Variants in FAM168B observed in about 807,000 individuals in gnomAD.
FAM168B encodes the protein family with sequence similarity 168 member B, also known as myelin-associated neurite-outgrowth inhibitor.
In FAM168B, 19 loss-of-function variants were observed where a neutral mutation model predicts 21.8. The observed-to-expected ratio is 0.87, with a 90% CI of 0.61 to 1.28. The LOEUF is 1.28. FAM168B is among the 50% of genes most tolerant of loss of function. FAM168B has a pLI of 0.00. For synonymous variants in FAM168B, 126 were observed against 104.8 expected, an observed-to-expected ratio of 1.20 and a Z score of -1.24; for missense variants, 233 against 263.1, an observed-to-expected ratio of 0.89 and a Z score of 0.79.
intron 3 of FAM168B, among the ~76,000 whole-genome samples, chr2:131,061,460 G>T (rs1296917571): frequency 6.6e-6 from 1 of 151,682 alleles, no homozygotes; most frequent in East Asian, 2.0e-4. Flanking sequence ...AGGGCCCACG[G>T]ATCACCACAC....
chr2:131,058,886 T>C (rs1371625377), intron 3 of FAM168B, among the ~76,000 whole-genome samples: 1 of 152,196 alleles, frequency 6.6e-6, no homozygotes, highest in African/African-American at 2.4e-5. Flanking sequence ...AACGAGGTTG[T>C]ATAACATTTT....
At chr2:131,092,594 TCAAA>T (rs1559013032) in intron 1 of FAM168B, among the ~76,000 whole-genome samples, 1 of 152,150 alleles carries the variant, frequency 6.6e-6, no homozygotes, top group Non-Finnish European at 1.5e-5. Context: ...AAACATTAAC[TCAAA>T]CAGCCCATGA....
At chr2:131,068,967 G>C (rs1203384505) in intron 3 of FAM168B, among the ~76,000 whole-genome samples, 1 of 152,230 alleles carries the variant, frequency 6.6e-6, no homozygotes, top group Non-Finnish European at 1.5e-5. Context: ...AGTGAGGCGT[G>C]ATTGCACCAC....
chr2:131,058,596 C>T (rs749073309), intron 3 of FAM168B, among the ~76,000 whole-genome samples: 2 of 152,162 alleles, frequency 1.3e-5, no homozygotes, highest in African/African-American at 2.4e-5. Flanking sequence ...CTATGTTAAC[C>T]GTAAATAGAA....
chr2:131,062,848 T>C (rs577016350), intron 3 of FAM168B, among the ~76,000 whole-genome samples: 1 of 152,376 alleles, frequency 6.6e-6, no homozygotes, highest in East Asian at 1.9e-4. Context: ...CAGCATGCAA[T>C]GCATGGGATG....
At chr2:131,082,485 G>T in intron 2 of FAM168B, 92 bp downstream of exon 2, 1 of 830,790 alleles carries the variant, frequency 1.2e-6, no homozygotes, top group Non-Finnish European at 1.9e-6. Flanking sequence ...GCCACTTTGA[G>T]CTGCGTTTGT....
Position 131,072,018 on chromosome 2 carries a change from T to C in FAM168B, c.71-80A>G, listed in dbSNP as rs947426021. 5 of 1,282,044 alleles carry C rather than the reference T, an allele frequency of 3.9e-6. No homozygotes were observed. In the African/African-American group the frequency reaches 7.3e-5, roughly 19 times the overall value. 79.4% of individuals were successfully genotyped at this position (1,282,044 alleles called of 1,614,324 possible). ...TAGAGCTCCTGCAAAGCCATCGCTC[T>C]TACCTTCTTCCCCAGAACTCCACAG... On this transcript the variant is annotated intron_variant, in intron 2 of 6. Transcript: ENST00000389915.
At chr2:131,064,886 A>G (rs1426582457) in intron 3 of FAM168B, among the ~76,000 whole-genome samples, 1 of 152,198 alleles carries the variant, frequency 6.6e-6, no homozygotes, top group Non-Finnish European at 1.5e-5. Flanking sequence ...ATCTCAACAC[A>G]TCGGGGGTAG....
intron 3 of FAM168B, among the ~76,000 whole-genome samples, chr2:131,071,274 G>A (rs1218395608): frequency 1.3e-5 from 2 of 152,140 alleles, no homozygotes; most frequent in African/African-American, 4.8e-5. Context: ...CACTGCTGCG[G>A]CAGAAAGGCA....
chr2:131,074,984 T>C (rs1184180855), intron 2 of FAM168B, among the ~76,000 whole-genome samples: 1 of 152,168 alleles, frequency 6.6e-6, no homozygotes, highest in Admixed American at 6.5e-5. Context: ...CACTTCAAAC[T>C]GATCCCCCTC....
rs1691573520 is a variant in FAM168B, at chr2:131,050,198, T to C, written c.*2267A>G. 1.0e-6 allele frequency: 1 copy of C among 985,344 alleles called. No individual in the cohort carries two copies. The highest frequency in any genetic ancestry group is 1.7e-5 in the African/African-American group (1 of 57,238). The allele number at this position is 985,344 out of a possible 1,614,324, so 61.0% of individuals were successfully genotyped here. Reference sequence around the variant, plus strand: ...CAAGTACCAAGCAAGCCTGAAGAGATGCCTGTAACTTCTAACCTCCTCCTG... The same window carrying C: ...CAAGTACCAAGCAAGCCTGAAGAGACGCCTGTAACTTCTAACCTCCTCCTG... On this transcript the variant is annotated 3_prime_UTR_variant, in exon 7 of 7. Transcript: ENST00000389915.
At chr2:131,072,163 G>C (rs561822803) in intron 2 of FAM168B, among the ~76,000 whole-genome samples, 10 of 152,062 alleles carry the variant, frequency 6.6e-5, no homozygotes, top group African/African-American at 2.4e-4. Context: ...CACTTTCATC[G>C]CCCAGGCTGG....
At chr2:131,075,390 T>A (rs1693092314) in intron 2 of FAM168B, among the ~76,000 whole-genome samples, 1 of 152,108 alleles carries the variant, frequency 6.6e-6, no homozygotes, top group Non-Finnish European at 1.5e-5. Flanking sequence ...TACCAATATA[T>A]TCTCATGGGA....
intron 1 of FAM168B, among the ~76,000 whole-genome samples, chr2:131,090,677 G>A (rs1439559906): frequency 2.0e-5 from 3 of 152,086 alleles, no homozygotes; most frequent in Admixed American, 1.3e-4. Context: ...ATCAGCCTGG[G>A]CGATATAGTG....
chr2:131,084,135 CG>C (rs1001795410), intron 1 of FAM168B, among the ~76,000 whole-genome samples: 2 of 151,722 alleles, frequency 1.3e-5, no homozygotes, highest in African/African-American at 4.8e-5. Flanking sequence ...CTCTTGACCT[CG>C]TGATCCGCCC....
intron 2 of FAM168B, among the ~76,000 whole-genome samples, chr2:131,073,560 A>G (rs180849836): frequency 5.3e-5 from 8 of 152,336 alleles, no homozygotes; most frequent in Non-Finnish European, 7.4e-5. Flanking sequence ...TAAAAAGGAC[A>G]AGTTCAGCCC....
intron 1 of FAM168B, among the ~76,000 whole-genome samples, chr2:131,091,868 GTCTGTAA>G (rs1260158829): frequency 1.3e-5 from 2 of 151,328 alleles, no homozygotes; most frequent in Non-Finnish European, 2.9e-5. Context: ...GGTGGCTCAC[GTCTGTAA>G]TCCCAGCACT....
intron 3 of FAM168B, among the ~76,000 whole-genome samples, chr2:131,058,783 G>A (rs987406157): frequency 6.6e-5 from 10 of 152,154 alleles, no homozygotes; most frequent in African/African-American, 2.4e-4. Flanking sequence ...AAAAAGGAAA[G>A]TGAAAAGGAA....
intron 3 of FAM168B, among the ~76,000 whole-genome samples, chr2:131,062,738 G>A (rs529669999): frequency 3.9e-5 from 6 of 152,172 alleles, no homozygotes; most frequent in East Asian, 3.8e-4. Flanking sequence ...ATGAGCCGCC[G>A]CGTCCGGCCT....
Sources: allele counts gnomAD v4.1 joint callset (sites outside exome capture counted in the v4.1 genomes callset), GRCh38; gene constraint gnomAD v4.1.1; transcripts MANE v1.5; gene names NCBI Gene and HGNC (gene_info 2026-07-23, HGNC 2026-07-21).